Variants in GRIN2B observed in about 807,000 individuals in gnomAD.
GRIN2B encodes glutamate ionotropic receptor NMDA type subunit 2B, also known as glutamate receptor ionotropic, NMDA 2B.
GRIN2B carries 5 observed loss-of-function variants against 114.5 expected under a neutral mutation model. The observed-to-expected ratio is 0.04, with a 90% CI of 0.02 to 0.09. The LOEUF (loss-of-function observed/expected upper bound fraction) is 0.09. GRIN2B is among the 10% of genes least tolerant of loss of function. The pLI, the probability that GRIN2B is intolerant of heterozygous loss-of-function variation, is 1.00. For missense variants in GRIN2B, 1,108 were observed against 1,943.5 expected, an observed-to-expected ratio of 0.57 and a Z score of 8.08; for synonymous variants, 787 against 745.1, an observed-to-expected ratio of 1.06 and a Z score of -0.92.
chr12:13,968,067 T>G (rs984290142), intron 2 of GRIN2B, among the ~76,000 whole-genome samples: 41 of 152,342 alleles, frequency 2.7e-4, no homozygotes, highest in African/African-American at 9.6e-4. Context: ...AATAAAATAC[T>G]GTGAAAGAGA....
At chr12:13,595,656 G>C (rs1816355983) in intron 10 of GRIN2B, among the ~76,000 whole-genome samples, 1 of 152,066 alleles carries the variant, frequency 6.6e-6, no homozygotes, top group African/African-American at 2.4e-5. Context: ...AGCATCAGAG[G>C]GTTAAAACAA....
intron 4 of GRIN2B, among the ~76,000 whole-genome samples, chr12:13,711,148 A>C (rs1950410697): frequency 6.6e-6 from 1 of 152,128 alleles, no homozygotes; most frequent in Admixed American, 6.6e-5. Context: ...TATTTAATAA[A>C]TGGTGCTGGG....
chr12:13,707,968 C>A (rs927997937), intron 4 of GRIN2B, among the ~76,000 whole-genome samples: 3 of 151,676 alleles, frequency 2.0e-5, no homozygotes, highest in African/African-American at 7.3e-5. Flanking sequence ...TGGACCCAAG[C>A]TGAAGGTCTA....
chr12:13,978,166 G>C (rs1433291201), intron 2 of GRIN2B, among the ~76,000 whole-genome samples: 2 of 152,210 alleles, frequency 1.3e-5, no homozygotes, highest in Non-Finnish European at 2.9e-5. Context: ...TTGTCCATCT[G>C]TATGTATGAA....
chr12:13,789,674 T>C (rs929861606), intron 3 of GRIN2B, among the ~76,000 whole-genome samples: 1 of 152,230 alleles, frequency 6.6e-6, no homozygotes, highest in Non-Finnish European at 1.5e-5. Context: ...TTCAGGGCTA[T>C]GCATCAGAGT....
intron 5 of GRIN2B, among the ~76,000 whole-genome samples, chr12:13,644,046 C>T (rs1442531078): frequency 6.6e-6 from 1 of 152,114 alleles, no homozygotes; most frequent in African/African-American, 2.4e-5. Context: ...CCATGAATCA[C>T]GAATGTTCTT....
intron 4 of GRIN2B, among the ~76,000 whole-genome samples, chr12:13,720,897 G>A (rs564709121): frequency 5.3e-5 from 8 of 151,984 alleles, no homozygotes; most frequent in Non-Finnish European, 8.8e-5. Flanking sequence ...GAACAAATTC[G>A]ACACAGATCT....
chr12:13,755,179 G>C (rs1388303780), intron 3 of GRIN2B, among the ~76,000 whole-genome samples: 1 of 152,168 alleles, frequency 6.6e-6, no homozygotes, highest in Non-Finnish European at 1.5e-5. Flanking sequence ...AGTTACAAGA[G>C]ACCTGGGCTT....
rs1281862836 is a variant in GRIN2B, at chr12:13,611,719, C to T, written c.1780+6G>A. The T allele has an allele frequency of 6.2e-7, 1 of 1,613,772 alleles. No individual in the cohort carries two copies. The highest frequency in any genetic ancestry group is 1.7e-5 in the Admixed American group (1 of 60,020). ...GGGGAAGTGCAGCGGTTCCAGCCGG[C>T]CTTACCTCTGCCATCAGCGAGGCAC... is the stretch of plus-strand genomic sequence containing the variant. On this transcript the variant is annotated splice_donor_region_variant and intron_variant, in intron 9 of 13. Coordinates refer to ENST00000609686, the MANE Select transcript of GRIN2B (RefSeq NM_000834.5).
intron 10 of GRIN2B, 138 bp downstream of exon 10, chr12:13,608,465 C>T (rs1565474453): frequency 1.1e-5 from 8 of 708,510 alleles, no homozygotes; most frequent in Non-Finnish European, 2.0e-5. Context: ...ACTTCTACTC[C>T]CATGTTCCAA....
At chr12:13,607,001 G>C (rs939850196) in intron 10 of GRIN2B, among the ~76,000 whole-genome samples, 1 of 149,486 alleles carries the variant, frequency 6.7e-6, no homozygotes, top group Non-Finnish European at 1.5e-5. Context: ...GGTAAACACA[G>C]TGGAGTATAT....
chr12:13,772,794 T>C (rs1161488054), intron 3 of GRIN2B, among the ~76,000 whole-genome samples: 1 of 152,136 alleles, frequency 6.6e-6, no homozygotes, highest in African/African-American at 2.4e-5. Context: ...CTTTTACAAA[T>C]CAACCAATTT....
At chr12:13,617,764 A>G (rs193138978) in intron 5 of GRIN2B, among the ~76,000 whole-genome samples, 5 of 152,360 alleles carry the variant, frequency 3.3e-5, no homozygotes, top group Admixed American at 3.3e-4. Context: ...CACTTAATTT[A>G]TTAACTACAG....
chr12:13,804,606 T>A (rs1351657750), intron 3 of GRIN2B, among the ~76,000 whole-genome samples: 1 of 152,172 alleles, frequency 6.6e-6, no homozygotes, highest in African/African-American at 2.4e-5. Context: ...TCAAATAACA[T>A]TTTCTCCAGT....
chr12:13,880,217 C>T (rs536007761), intron 2 of GRIN2B, among the ~76,000 whole-genome samples: 2 of 152,154 alleles, frequency 1.3e-5, no homozygotes, highest in South Asian at 4.1e-4. Flanking sequence ...TAAAGAGCAC[C>T]GAGGGTATCT....
chr12:13,963,036 C>G (rs577914682), intron 2 of GRIN2B, among the ~76,000 whole-genome samples: 1 of 152,336 alleles, frequency 6.6e-6, no homozygotes, highest in South Asian at 2.1e-4. Context: ...TTCTCTCCCT[C>G]CCTAGTTTTT....
intron 2 of GRIN2B, among the ~76,000 whole-genome samples, chr12:13,894,026 A>G (rs1260218667): frequency 6.6e-6 from 1 of 152,056 alleles, no homozygotes; most frequent in Non-Finnish European, 1.5e-5. Context: ...GTGGAGTGTA[A>G]TTTTTACCTA....
chr12:13,737,089 T>A (rs1863198273), intron 4 of GRIN2B, among the ~76,000 whole-genome samples: 1 of 151,810 alleles, frequency 6.6e-6, no homozygotes, highest in Non-Finnish European at 1.5e-5. Context: ...AATAAATTCC[T>A]TGTCAAGCCC....
At chr12:13,601,129 A>G (rs1949152291) in intron 10 of GRIN2B, among the ~76,000 whole-genome samples, 1 of 152,352 alleles carries the variant, frequency 6.6e-6, no homozygotes, top group Non-Finnish European at 1.5e-5. Context: ...AGTGCAGATT[A>G]CAGAAGAAGT....
Sources: allele counts gnomAD v4.1 joint callset (sites outside exome capture counted in the v4.1 genomes callset), GRCh38; gene constraint gnomAD v4.1.1; transcripts MANE v1.5; gene names NCBI Gene and HGNC (gene_info 2026-07-23, HGNC 2026-07-21).